Variants in ANXA2 observed in about 807,000 individuals in gnomAD.
ANXA2 encodes annexin A2, also known as annexin II.
Under a neutral mutation model 47.3 loss-of-function variants are expected in ANXA2, and 28 were observed. The observed-to-expected ratio is 0.59, with a 90% confidence interval of 0.44 to 0.81. The LOEUF (loss-of-function observed/expected upper bound fraction) is 0.81. Ranked by LOEUF, ANXA2 falls within the 40% of genes least tolerant of loss-of-function variation. The pLI is 0.00. For missense variants in ANXA2, 384 were observed against 414.3 expected, an observed-to-expected ratio of 0.93 and a Z score of 0.64; for synonymous variants, 172 against 155.5, an observed-to-expected ratio of 1.11 and a Z score of -0.79.
At chr15:60,347,788 C>T in intron 12 of ANXA2, 99 bp from the exon 13 acceptor site, 1 of 1,072,962 alleles carries the variant, frequency 9.3e-7, no homozygotes, top group South Asian at 1.3e-5. Context: ...AAGCTTCTCC[C>T]ATGACAAAGA....
At chr15:60,369,118 AC>A (rs1337132440) in intron 3 of ANXA2, among the ~76,000 whole-genome samples, 2 of 152,038 alleles carry the variant, frequency 1.3e-5, no homozygotes, top group African/African-American at 4.8e-5. Context: ...TTGAACAATG[AC>A]CCCCCACTTC....
intron 3 of ANXA2, among the ~76,000 whole-genome samples, chr15:60,372,727 T>C (rs2062727056): frequency 1.4e-5 from 2 of 146,992 alleles, no homozygotes; most frequent in African/African-American, 5.0e-5. Flanking sequence ...AGGGTCTCAC[T>C]CTGTTGACCA....
At position 60,397,983 on chromosome 15, in the gene ANXA2, G is replaced by A. The variant is rs920439511; in HGVS notation, c.-52C>T. 9 of 1,221,284 alleles carry A rather than the reference G, an allele frequency of 7.4e-6. No homozygotes were observed. The highest frequency in any genetic ancestry group is 2.5e-4 in the Middle Eastern group (1 of 3,930). 75.7% of individuals were successfully genotyped at this position (1,221,284 alleles called of 1,614,324 possible). On this transcript the variant is annotated 5_prime_UTR_variant, in exon 1 of 13. Coordinates refer to ENST00000451270, the MANE Select transcript of ANXA2 (RefSeq NM_004039.3). The stretch of plus-strand genomic sequence containing the variant: ...AGAGCTGAGAGCGTCCCCAAATGCT[G>A]AGCAGAGCCGGCTGGCCTGGGTGGG...
chr15:60,377,612 CTAAATT>C (rs2062798573), intron 3 of ANXA2, among the ~76,000 whole-genome samples: 1 of 151,982 alleles, frequency 6.6e-6, no homozygotes, highest in Admixed American at 6.5e-5. Context: ...AAACACATAA[CTAAATT>C]TAAAAAATAC....
At chr15:60,391,522 G>A (rs2063010463) in intron 1 of ANXA2, among the ~76,000 whole-genome samples, 1 of 152,148 alleles carries the variant, frequency 6.6e-6, no homozygotes, top group Admixed American at 6.5e-5. Context: ...TCTCTGAATG[G>A]TGCAAAGTTA....
chr15:60,391,479 G>A (rs1257780178), intron 1 of ANXA2, among the ~76,000 whole-genome samples: 3 of 152,202 alleles, frequency 2.0e-5, no homozygotes, highest in Non-Finnish European at 4.4e-5. Context: ...GCCACGTCCA[G>A]TGGGGTGCCC....
chr15:60,364,334 G>T, intron 4 of ANXA2, 95 bp downstream of exon 4: 2 of 940,810 alleles, frequency 2.1e-6, no homozygotes, highest in East Asian at 2.5e-5. Flanking sequence ...CAAGTCTTTT[G>T]CGCATGAGAG....
intron 3 of ANXA2, among the ~76,000 whole-genome samples, chr15:60,376,786 G>A (rs529812162): frequency 1.1e-4 from 17 of 152,214 alleles, no homozygotes; most frequent in East Asian, 7.7e-4. Context: ...TACCCTCCTC[G>A]CCATCATCCC....
At chr15:60,347,828 C>A in intron 12 of ANXA2, 139 bp from the exon 13 acceptor site, 5 of 770,952 alleles carry the variant, frequency 6.5e-6, no homozygotes, top group Non-Finnish European at 8.4e-6. Context: ...TGCCCTGATA[C>A]AAAGGCCTGG....
chr15:60,382,385 A>G lies in ANXA2; in HGVS notation c.105T>C (p.Ala35=), dbSNP rs779260058. The part of the protein sequence containing the change: ...GSVKAYTNFD[A]ERDALNIETA... ...TTTCAATGTTCAAAGCATCCCGCTC[A>G]GCATCAAAGTTAGTATAGGCTTTGA... Residue 35 remains alanine, a synonymous_variant, in exon 3 of 13, where the codon GCT becomes GCC. Coordinates refer to ENST00000451270, the MANE Select transcript of ANXA2 (RefSeq NM_004039.3). 1 of 1,614,100 alleles carries G rather than the reference A, an allele frequency of 6.2e-7. No homozygotes were observed.
intron 1 of ANXA2, chr15:60,394,720 A>G (rs7181073): frequency 2.9e-3 from 51 of 17,722 alleles, no homozygotes; most frequent in East Asian, 0.045. Flanking sequence ...AAAAGAAAAA[A>G]AAAAACAGCT....
chr15:60,392,802 T>C (rs2063030939), intron 1 of ANXA2, among the ~76,000 whole-genome samples: 1 of 152,238 alleles, frequency 6.6e-6, no homozygotes, highest in African/African-American at 2.4e-5. Flanking sequence ...GGTGAATCAA[T>C]CAGGGACTGG....
intron 1 of ANXA2, chr15:60,394,434 C>G (rs1399666074): frequency 6.6e-6 from 1 of 152,362 alleles, no homozygotes; most frequent in African/African-American, 2.4e-5. Flanking sequence ...CATAGTGGCT[C>G]ACGCCTGTAA....
intron 5 of ANXA2, among the ~76,000 whole-genome samples, chr15:60,357,822 G>A (rs955916532): frequency 1.3e-5 from 2 of 151,832 alleles, no homozygotes; most frequent in African/African-American, 2.4e-5. Context: ...TGAATAGGAA[G>A]AGGCAGCAAT....
intron 12 of ANXA2, 32 bp downstream of exon 12, chr15:60,349,043 C>T: frequency 6.2e-7 from 1 of 1,613,128 alleles, no homozygotes; most frequent in Admixed American, 1.7e-5. Flanking sequence ...CTCTGGACGG[C>T]AGGGCAGGCT....
chr15:60,347,754 C>A, intron 12 of ANXA2, 65 bp from the exon 13 acceptor site: 1 of 1,364,354 alleles, frequency 7.3e-7, no homozygotes, highest in South Asian at 1.2e-5. Flanking sequence ...CTCAATAACA[C>A]AGAAGTAGCC....
intron 4 of ANXA2, among the ~76,000 whole-genome samples, chr15:60,363,583 T>C (rs2062549116): frequency 6.6e-6 from 1 of 152,128 alleles, no homozygotes; most frequent in Non-Finnish European, 1.5e-5. Context: ...AAGCAGCACG[T>C]CCTTAAAAAT....
chr15:60,376,333 A>G (rs531708812), intron 3 of ANXA2, among the ~76,000 whole-genome samples: 5 of 151,966 alleles, frequency 3.3e-5, no homozygotes, highest in South Asian at 2.1e-4. Context: ...GTGAGCCGAC[A>G]TTGTGCATTG....
Position 60,367,305 on chromosome 15 carries a change from G to T in ANXA2, c.149-2782C>A, listed in dbSNP as rs1402926446. On this transcript the variant is annotated intron_variant, in intron 3 of 12. Coordinates refer to ENST00000451270, the MANE Select transcript of ANXA2 (RefSeq NM_004039.3). ...CCCCGCCCGGCCAGCCGCCCCGTCC[G>T]GGAGGTGAGGGGCGCCTCTGCCCGG... Among the ~76,000 whole-genome samples, 688 of 119,202 alleles carry T rather than the reference G, an allele frequency of 5.8e-3. 1 individual carries two copies. Among genetic ancestry groups the T allele is most frequent in the Middle Eastern group, 0.012 (2 of 164 alleles). The allele number at this position is 119,202 out of a possible 152,430, so 78.2% of individuals were successfully genotyped here.
Sources: allele counts gnomAD v4.1 joint callset (sites outside exome capture counted in the v4.1 genomes callset), GRCh38; gene constraint gnomAD v4.1.1; transcripts MANE v1.5; gene names NCBI Gene and HGNC (gene_info 2026-07-23, HGNC 2026-07-21).